Variants in QTMAN observed in about 807,000 individuals in gnomAD.
The protein encoded by QTMAN is queuosine-tRNA mannosyltransferase, also known as tRNA-queuosine alpha-mannosyltransferase.
the QTMAN span, among the ~76,000 whole-genome samples, chr2:144,173,203 G>C: frequency 1.3e-5 from 2 of 151,848 alleles, no homozygotes; most frequent in African/African-American, 4.8e-5. Flanking sequence ...CCTCATCTCT[G>C]GTGTAAAAAA....
the QTMAN span, among the ~76,000 whole-genome samples, chr2:144,083,781 G>A: frequency 6.8e-6 from 1 of 147,546 alleles, no homozygotes; most frequent in Non-Finnish European, 1.5e-5. Flanking sequence ...ATACATCAAG[G>A]AACCTCGCCT....
At chr2:143,956,979 G>A in the QTMAN span, among the ~76,000 whole-genome samples, 1 of 152,098 alleles carries the variant, frequency 6.6e-6, no homozygotes, top group Non-Finnish European at 1.5e-5. Flanking sequence ...TGGCCCTTAT[G>A]CCTTTATACG....
the QTMAN span, among the ~76,000 whole-genome samples, chr2:144,058,395 T>A: frequency 1.3e-5 from 2 of 152,110 alleles, no homozygotes; most frequent in African/African-American, 2.4e-5. Context: ...ATAAAATAAA[T>A]TTAAGAGTGC....
At chr2:143,951,477 T>A in the QTMAN span, among the ~76,000 whole-genome samples, 1 of 151,560 alleles carries the variant, frequency 6.6e-6, no homozygotes, top group South Asian at 2.1e-4. Flanking sequence ...GAGGATTTTT[T>A]ATGTCATTTT....
chr2:144,299,400 T>C, the QTMAN span, among the ~76,000 whole-genome samples: 1 of 152,228 alleles, frequency 6.6e-6, no homozygotes, highest in African/African-American at 2.4e-5. Flanking sequence ...GAAGCATGTG[T>C]TGAATACTGG....
the QTMAN span, among the ~76,000 whole-genome samples, chr2:144,197,295 T>TTG: frequency 0.059 from 8,783 of 148,038 alleles, 527 homozygotes; most frequent in African/African-American, 0.16. Flanking sequence ...GACTGTATAT[T>TTG]TGTGTGTGTG....
At chr2:144,142,471 G>A in the QTMAN span, among the ~76,000 whole-genome samples, 11 of 151,758 alleles carry the variant, frequency 7.2e-5, no homozygotes, top group Non-Finnish European at 1.5e-4. Context: ...ACCGAGAACA[G>A]AGCATCTGTC....
the QTMAN span, among the ~76,000 whole-genome samples, chr2:144,135,857 TA>T: frequency 6.6e-6 from 1 of 152,192 alleles, no homozygotes; most frequent in African/African-American, 2.4e-5. Context: ...AAAAGTTACT[TA>T]CGTTTTCTAT....
the QTMAN span, among the ~76,000 whole-genome samples, chr2:144,157,588 C>T: frequency 6.6e-6 from 1 of 151,958 alleles, no homozygotes; most frequent in East Asian, 1.9e-4. Flanking sequence ...AAGGAGAAAA[C>T]ACTTGCGATG....
At chr2:144,098,001 A>G in the QTMAN span, among the ~76,000 whole-genome samples, 1 of 152,106 alleles carries the variant, frequency 6.6e-6, no homozygotes, top group East Asian at 1.9e-4. Context: ...TCTGCACTTC[A>G]GTTTCCTTCC....
chr2:144,140,663 T>G, the QTMAN span, among the ~76,000 whole-genome samples: 1 of 152,020 alleles, frequency 6.6e-6, no homozygotes, highest in African/African-American at 2.4e-5. Context: ...AGCAAATAAA[T>G]CATTAACTGT....
the QTMAN span, among the ~76,000 whole-genome samples, chr2:144,152,679 G>T: frequency 3.9e-4 from 60 of 152,122 alleles, no homozygotes; most frequent in African/African-American, 1.4e-3. Flanking sequence ...ATATGAACCA[G>T]AACATTTGTA....
chr2:144,005,637 AT>A, the QTMAN span: 1 of 152,152 alleles, frequency 6.6e-6, no homozygotes, highest in African/African-American at 2.4e-5. Flanking sequence ...ATTAAAAATA[AT>A]TTAGCTTTAA....
chr2:143,993,555 G>A, the QTMAN span, among the ~76,000 whole-genome samples: 1 of 152,144 alleles, frequency 6.6e-6, no homozygotes, highest in East Asian at 1.9e-4. Context: ...CCAAAGAGGA[G>A]AAAGCAATGT....
At chr2:144,053,576 T>C in the QTMAN span, among the ~76,000 whole-genome samples, 1 of 152,224 alleles carries the variant, frequency 6.6e-6, no homozygotes, top group South Asian at 2.1e-4. Context: ...TATCAAGTAC[T>C]TCACAAATCA....
chr2:144,229,391 T>C, the QTMAN span, among the ~76,000 whole-genome samples: 1 of 152,274 alleles, frequency 6.6e-6, no homozygotes, highest in African/African-American at 2.4e-5. Context: ...TTTGAGTTCC[T>C]CTCAGTTACC....
the QTMAN span, among the ~76,000 whole-genome samples, chr2:144,327,695 A>G: frequency 6.6e-6 from 1 of 152,120 alleles, no homozygotes; most frequent in South Asian, 2.1e-4. Flanking sequence ...AGTCCAGAAA[A>G]CAGTATCACA....
chr2:144,314,630 G>A, the QTMAN span, among the ~76,000 whole-genome samples: 26 of 152,180 alleles, frequency 1.7e-4, no homozygotes, highest in South Asian at 2.1e-4. Context: ...GGAGAATGGC[G>A]TGAACCCGGG....
At chr2:144,169,380 T>C in the QTMAN span, among the ~76,000 whole-genome samples, 2 of 152,252 alleles carry the variant, frequency 1.3e-5, no homozygotes, top group Non-Finnish European at 2.9e-5. Flanking sequence ...CTATCAATAG[T>C]TTTGCCAAAG....
Sources: allele counts gnomAD v4.1 joint callset (sites outside exome capture counted in the v4.1 genomes callset), GRCh38; gene constraint gnomAD v4.1.1; transcripts MANE v1.5; gene names NCBI Gene and HGNC (gene_info 2026-07-23, HGNC 2026-07-21).